Variants in ELK3 observed in about 807,000 individuals in gnomAD.
ELK3 encodes the protein ETS domain-containing protein Elk-3.
Under a neutral mutation model 28.9 loss-of-function variants are expected in ELK3, and 10 were observed. The ratio of observed to expected loss-of-function variants is 0.35; its 90% confidence interval spans 0.21 to 0.59. The LOEUF (loss-of-function observed/expected upper bound fraction) is 0.59, where lower values mean the gene tolerates loss of function less well. Ranked by LOEUF, ELK3 falls within the 20% of genes least tolerant of loss-of-function variation. The probability of loss-of-function intolerance (pLI) is 0.82; values close to 1 mark genes in which losing one functional copy is unlikely to be tolerated. For synonymous variants in ELK3, 272 were observed against 243.5 expected, an observed-to-expected ratio of 1.12 and a Z score of -1.09; for missense variants, 463 against 517.3, an observed-to-expected ratio of 0.90 and a Z score of 1.02.
intron 1 of ELK3, among the ~76,000 whole-genome samples, chr12:96,216,169 T>G (rs1425583074): frequency 6.6e-6 from 1 of 152,156 alleles, no homozygotes; most frequent in East Asian, 1.9e-4. Context: ...GTCCCTTGGC[T>G]TGTCATTTAG....
At position 96,247,739 on chromosome 12, in the gene ELK3, G is replaced by A; in HGVS notation, c.1002+5G>A. On this transcript the variant is annotated splice_donor_5th_base_variant and intron_variant, in intron 3 of 4. Transcript: ENST00000228741. This position sits in a 1 kb window ranked among gnomAD's most constrained non-coding sequence, Gnocchi z 5.5. ...CCAGCCTTCTTCACCGCACAGGTAA[G>A]AGTCATTCCTGTCATCTAAGCCACA... is the stretch of plus-strand genomic sequence containing the variant. The A allele has an allele frequency of 6.5e-7, 1 of 1,534,534 alleles. No individual in the cohort carries two copies.
rs563832986 is a variant in ELK3, at chr12:96,223,248, T to C, written c.-2-317T>C. ...GGGAATGGTTTGAATGGGGACTCAT[T>C]CTGCAAGTGGTCATGTCATTAATCA... is the stretch of plus-strand genomic sequence containing the variant. On this transcript the variant is annotated intron_variant, in intron 1 of 4. Transcript: ENST00000228741. Among the ~76,000 whole-genome samples the C allele has an allele frequency of 3.6e-4, 55 of 152,260 alleles. No individual in the cohort carries two copies. In the South Asian group the frequency reaches 4.8e-3, roughly 13 times the overall value.
intron 1 of ELK3, among the ~76,000 whole-genome samples, chr12:96,218,290 G>C (rs1044796862): frequency 1.8e-4 from 27 of 152,144 alleles, no homozygotes; most frequent in African/African-American, 6.5e-4. Context: ...AGATGTGAAG[G>C]GGGCACCTCT....
chr12:96,196,645 T>G (rs1427630926), intron 1 of ELK3, among the ~76,000 whole-genome samples: 1 of 152,120 alleles, frequency 6.6e-6, no homozygotes, highest in Non-Finnish European at 1.5e-5. Flanking sequence ...ATAAGTGTTC[T>G]TAGAGTTTCC....
At chr12:96,258,480 C>G (rs763084975) in intron 3 of ELK3, among the ~76,000 whole-genome samples, 1 of 152,194 alleles carries the variant, frequency 6.6e-6, no homozygotes, top group African/African-American at 2.4e-5. Flanking sequence ...ATTAATGATG[C>G]TACGGAGGCC....
At chr12:96,231,739 CT>C (rs1565784467) in intron 2 of ELK3, among the ~76,000 whole-genome samples, 1 of 152,184 alleles carries the variant, frequency 6.6e-6, no homozygotes, top group Non-Finnish European at 1.5e-5. Context: ...TCGCCTCGGC[CT>C]CCCAAAGCGC....
intron 1 of ELK3, among the ~76,000 whole-genome samples, chr12:96,219,795 T>C (rs545623353): frequency 5.0e-4 from 76 of 152,262 alleles, no homozygotes; most frequent in African/African-American, 1.7e-3. Context: ...GTTTTTCGAC[T>C]TAGCTCTGAG....
chr12:96,252,901 A>C (rs1565791191), intron 3 of ELK3, among the ~76,000 whole-genome samples: 1 of 152,248 alleles, frequency 6.6e-6, no homozygotes, highest in Non-Finnish European at 1.5e-5. Flanking sequence ...TTTTGAAAGA[A>C]GTTCTACTCT....
intron 1 of ELK3, among the ~76,000 whole-genome samples, chr12:96,205,269 A>G (rs925005099): frequency 6.6e-6 from 1 of 152,218 alleles, no homozygotes; most frequent in African/African-American, 2.4e-5. Flanking sequence ...CATTATGAAC[A>G]TACAGAGAGG....
chr12:96,210,561 G>GCACACACACACACACACA (rs368183390), intron 1 of ELK3, among the ~76,000 whole-genome samples: 63 of 144,838 alleles, frequency 4.3e-4, no homozygotes, highest in East Asian at 2.9e-3. Flanking sequence ...GCGCGCGGGC[G>GCACACACACACACACACA]CACGCACACA....
intron 1 of ELK3, among the ~76,000 whole-genome samples, chr12:96,200,223 T>C (rs1417584000): frequency 6.6e-6 from 1 of 152,168 alleles, no homozygotes; most frequent in African/African-American, 2.4e-5. Context: ...TTCTAGTTAA[T>C]TGAAACTATA....
At chr12:96,260,002 CCTTCAGAGGCAG>C in intron 4 of ELK3, 149 bp downstream of exon 4, 1 of 1,061,856 alleles carries the variant, frequency 9.4e-7, no homozygotes, top group Non-Finnish European at 1.3e-6. Context: ...GGTTGCACGC[CCTTCAGAGGCAG>C]ACATTTTCAT....
intron 3 of ELK3, among the ~76,000 whole-genome samples, chr12:96,251,596 G>A (rs557317040): frequency 6.6e-6 from 1 of 152,286 alleles, no homozygotes; most frequent in East Asian, 1.9e-4. Context: ...TGAAGGAAAT[G>A]AAAGTGCTAC....
chr12:96,230,119 G>A (rs181314362), intron 2 of ELK3, among the ~76,000 whole-genome samples: 4 of 152,228 alleles, frequency 2.6e-5, no homozygotes, highest in South Asian at 4.1e-4. Context: ...CCTTTTGTAC[G>A]TTTAGATACG....
At position 96,209,490 on chromosome 12, in the gene ELK3, C is replaced by T. The variant is rs115279934; in HGVS notation, c.-2-14075C>T. Among the ~76,000 whole-genome samples the T allele has an allele frequency of 1.4e-3, 208 of 152,290 alleles. 2 individuals carry two copies. Among genetic ancestry groups the T allele is most frequent in the African/African-American group, 4.9e-3 (203 of 41,562 alleles). On this transcript the variant is annotated intron_variant, in intron 1 of 4. Transcript: ENST00000228741. ...TATCCATGCAAAAAGGTTCTCATTG[C>T]ACTGGGTAAATACTTTCGACTTTCA...
At chr12:96,230,937 G>A (rs1422594604) in intron 2 of ELK3, among the ~76,000 whole-genome samples, 4 of 152,234 alleles carry the variant, frequency 2.6e-5, no homozygotes, top group Non-Finnish European at 5.9e-5. Context: ...TTCCAAGAAA[G>A]GAGTGATGCC....
At chr12:96,215,581 A>G (rs947162743) in intron 1 of ELK3, among the ~76,000 whole-genome samples, 2 of 151,996 alleles carry the variant, frequency 1.3e-5, no homozygotes, top group African/African-American at 4.8e-5. Flanking sequence ...TAAAGAATGA[A>G]TCAAAGTTAA....
rs1052926612 is a variant in ELK3, at chr12:96,267,377, G to T, written c.*197G>T. ...TATATTCAAGTATATATGAAAATCT[G>T]TTTGGCATTAAGTGAATTTTAATGT... On this transcript the variant is annotated 3_prime_UTR_variant, in exon 5 of 5. Transcript: ENST00000228741. 2.2e-6 allele frequency: 1 copy of T among 458,120 alleles called. No homozygotes were observed. The highest frequency in any genetic ancestry group is 3.9e-6 in the Non-Finnish European group (1 of 259,696). The allele number at this position is 458,120 out of a possible 1,614,324, so 28.4% of individuals were successfully genotyped here. A position where few individuals can be genotyped will look rare whatever the true frequency, so the allele number is the denominator to read the frequency against.
chr12:96,253,294 A>G (rs1447714859), intron 3 of ELK3, among the ~76,000 whole-genome samples: 2 of 152,204 alleles, frequency 1.3e-5, no homozygotes, highest in Non-Finnish European at 2.9e-5. Context: ...TAAAAGAGTC[A>G]ATCAATGTGG....
Sources: allele counts gnomAD v4.1 joint callset (sites outside exome capture counted in the v4.1 genomes callset), GRCh38; gene constraint gnomAD v4.1.1; non-coding constraint Gnocchi (gnomAD v3.1); transcripts MANE v1.5; gene names NCBI Gene and HGNC (gene_info 2026-07-23, HGNC 2026-07-21).